The following SP110 variants were observed in gnomAD, a reference collection of about 807,000 sequenced individuals.
The protein encoded by SP110 is SP110 nuclear body protein.
In SP110, 62 loss-of-function variants were observed where a neutral mutation model predicts 92.7. The ratio of observed to expected loss-of-function variants is 0.67; its 90% CI spans 0.55 to 0.83. SP110 has a LOEUF of 0.83. Among genes scored for constraint, SP110 ranks in the 40% least tolerant of loss-of-function variants. SP110 has a pLI of 0.00. For missense variants in SP110, 793 were observed against 863.9 expected (o/e 0.92, Z 1.03); for synonymous variants, 273 against 305.3 (o/e 0.89, Z 1.10).
intron 14 of SP110, chr2:230,173,920 C>T (rs1193828051): frequency 6.6e-6 from 1 of 152,222 alleles, no homozygotes; most frequent in Non-Finnish European, 1.5e-5. Flanking sequence ...TATCTGGCTA[C>T]CACGGGGTAC....
At chr2:230,202,175 AG>A (rs1426380620) in intron 9 of SP110, among the ~76,000 whole-genome samples, 1 of 152,236 alleles carries the variant, frequency 6.6e-6, no homozygotes, top group Non-Finnish European at 1.5e-5. Flanking sequence ...TTATGTTAAC[AG>A]GCAATTGGTT....
chr2:230,205,993 TGGGGGA>T (rs992126644), intron 8 of SP110, among the ~76,000 whole-genome samples: 1 of 152,110 alleles, frequency 6.6e-6, no homozygotes, highest in Non-Finnish European at 1.5e-5. Context: ...ATAAGTAGAA[TGGGGGA>T]GAAAGCAGCT....
chr2:230,168,937 A>C lies in SP110; in HGVS notation c.*187T>G, dbSNP rs1177580323. 3 of 461,968 alleles carry C rather than the reference A, an allele frequency of 6.5e-6. No individual in the cohort carries two copies. The highest frequency in any genetic ancestry group is 8.1e-6 in the Non-Finnish European group (2 of 247,722). The allele number at this position is 461,968 out of a possible 1,614,324, so 28.6% of individuals were successfully genotyped here. On this transcript the variant is annotated 3_prime_UTR_variant, in exon 19 of 19. Coordinates refer to ENST00000258381, the MANE Select transcript of SP110 (RefSeq NM_080424.4). The stretch of plus-strand genomic sequence containing the variant: ...TATTAATTTTTTTTTTTTTTAGTGT[A>C]GATATAGACTTTTAAAGGTAAAAAG...
upstream of SP110, among the ~76,000 whole-genome samples, chr2:230,220,623 A>C (rs1559189773): frequency 1.3e-5 from 2 of 152,336 alleles, no homozygotes; most frequent in South Asian, 4.1e-4. Context: ...TCCAGAGAGC[A>C]GTAACTCAAG....
rs749451022 is a variant in SP110 at position 230,171,724 on chromosome 2, C to G, written c.1859G>C (p.Ser620Thr). The G allele has an allele frequency of 1.2e-6, 2 of 1,613,760 alleles. No homozygotes were observed. The highest frequency in any genetic ancestry group is 1.7e-5 in the Admixed American group (1 of 60,028). The change falls in exon 17 of 19, where the codon AGC becomes ACC. Residue 620 changes from serine to threonine, a missense_variant. Transcript: ENST00000258381. ...AAATGGGATGCCCGTAAAAAAGGAG[C>G]TTTGTGGATGACAGTAGGCCTTCAA... is the stretch of plus-strand genomic sequence containing the variant. ...LLLKAYCHPQ[S>T]SFFTGIPFNI...
upstream of SP110, among the ~76,000 whole-genome samples, chr2:230,220,450 C>G (rs1299678325): frequency 6.6e-6 from 1 of 152,120 alleles, no homozygotes; most frequent in Non-Finnish European, 1.5e-5. Context: ...ATGCCTAGAA[C>G]TTGTCAGGAT....
At chr2:230,218,115 T>C (rs1477285473) in intron 1 of SP110, among the ~76,000 whole-genome samples, 2 of 152,246 alleles carry the variant, frequency 1.3e-5, no homozygotes, top group African/African-American at 4.8e-5. Context: ...CAAATGACAT[T>C]CTTGACAAAT....
chr2:230,202,319 A>G (rs1283841984), intron 9 of SP110, among the ~76,000 whole-genome samples: 1 of 152,218 alleles, frequency 6.6e-6, no homozygotes, highest in Non-Finnish European at 1.5e-5. Flanking sequence ...GAGAGCATAA[A>G]GGAGTCCTGA....
At chr2:230,188,901 A>C (rs1325048409) in intron 10 of SP110, among the ~76,000 whole-genome samples, 46 of 152,014 alleles carry the variant, frequency 3.0e-4, no homozygotes, top group Admixed American at 3.0e-3. Flanking sequence ...TGGTCTGTTC[A>C]TGGTTTCTAT....
intron 12 of SP110, 104 bp downstream of exon 12, chr2:230,183,468 T>C (rs2042216440): frequency 2.4e-6 from 2 of 829,254 alleles, no homozygotes; most frequent in Non-Finnish European, 4.2e-6. Flanking sequence ...AGAACAACTT[T>C]GGAGGAGAAG....
chr2:230,173,272 G>T, intron 14 of SP110: 2 of 371,168 alleles, frequency 5.4e-6, no homozygotes, highest in Non-Finnish European at 1.1e-5. Flanking sequence ...GGCCACTCTG[G>T]GCGCATTTGC....
chr2:230,174,398 C>G (rs2041756091), intron 14 of SP110, among the ~76,000 whole-genome samples: 1 of 152,334 alleles, frequency 6.6e-6, no homozygotes, highest in South Asian at 2.1e-4. Context: ...GGGGCCCCTT[C>G]TAACAAAAGG....
chr2:230,172,643 A>G (rs2106350389), intron 15 of SP110: 2 of 587,948 alleles, frequency 3.4e-6, no homozygotes, highest in East Asian at 2.9e-5. Context: ...AGGGAATAGC[A>G]TACTAGGAAA....
At position 230,183,558 on chromosome 2, in the gene SP110, G is replaced by T. The variant is rs765229723; in HGVS notation, c.1348+14C>A. 1.3e-6 allele frequency: 2 copies of T among 1,593,482 alleles called. No homozygotes were observed. Among genetic ancestry groups the T allele is most frequent in the South Asian group, 2.2e-5 (2 of 90,706 alleles). On this transcript the variant is annotated intron_variant, in intron 12 of 18. Coordinates refer to ENST00000258381, the MANE Select transcript of SP110 (RefSeq NM_080424.4). The stretch of plus-strand genomic sequence containing the variant: ...GGGAGCCCAGTGGGGAGGCGCTGTG[G>T]CTTGCTTGCTTACCTCTTCGGTGAA...
rs1378174993 is a variant in SP110 at position 230,167,420 on chromosome 2, C to G, written c.*1704G>C. On this transcript the variant is annotated 3_prime_UTR_variant, in exon 19 of 19. Coordinates refer to ENST00000258381, the MANE Select transcript of SP110 (RefSeq NM_080424.4). The stretch of plus-strand genomic sequence containing the variant: ...AGCCACTGTGCCCAGCCCGAAGAAG[C>G]TTTATCTGATCTGAACCTGATTTAG... 6.6e-6 allele frequency: 1 copy of G among 152,288 alleles called. No homozygotes were observed. Among genetic ancestry groups the G allele is most frequent in the Non-Finnish European group, 1.5e-5 (1 of 68,230 alleles). The allele number at this position is 152,288 out of a possible 1,614,324, so 9.4% of individuals were successfully genotyped here.
At chr2:230,190,738 A>G (rs879171088) in intron 10 of SP110, among the ~76,000 whole-genome samples, 1 of 152,084 alleles carries the variant, frequency 6.6e-6, no homozygotes, top group South Asian at 2.1e-4. Flanking sequence ...TTTGTATAAG[A>G]TGTGAGGAAG....
At chr2:230,172,763 C>T (rs905744301) in intron 15 of SP110, 81 bp downstream of exon 15, 31 of 927,472 alleles carry the variant, frequency 3.3e-5, no homozygotes, top group Middle Eastern at 2.6e-4. Context: ...GTCACACCCT[C>T]GTCCCCGACG....
rs867242304 is a variant in SP110 at position 230,165,645 on chromosome 2, C to T, written c.*3479G>A. On this transcript the variant is annotated 3_prime_UTR_variant, in exon 19 of 19. Coordinates refer to ENST00000258381, the MANE Select transcript of SP110 (RefSeq NM_080424.4). ...GAGTGAAAAGACAGGAATAAGGGAG[C>T]TGAGAGGTATCAAAGTGATAAACGC... Among the ~76,000 whole-genome samples the T allele has an allele frequency of 1.2e-4, 18 of 151,746 alleles. No homozygotes were observed. The highest frequency in any genetic ancestry group is 3.1e-4 in the African/African-American group (13 of 41,338).
At chr2:230,215,814 A>C (rs2045097242) in intron 2 of SP110, among the ~76,000 whole-genome samples, 1 of 152,210 alleles carries the variant, frequency 6.6e-6, no homozygotes, top group Non-Finnish European at 1.5e-5. Context: ...AAACACAAAT[A>C]AATACCCATT....
Sources: allele counts gnomAD v4.1 joint callset (sites outside exome capture counted in the v4.1 genomes callset), GRCh38; gene constraint gnomAD v4.1.1; transcripts MANE v1.5; gene names NCBI Gene and HGNC (gene_info 2026-07-23, HGNC 2026-07-21).